The following C10orf90 variants were observed in gnomAD, a reference collection of about 807,000 sequenced individuals.
C10orf90 encodes the protein (E2-independent) E3 ubiquitin-conjugating enzyme FATS.
C10orf90 carries 56 observed loss-of-function variants against 62.5 expected under a neutral mutation model. That is an observed-to-expected ratio of 0.90 (90% CI 0.72 to 1.12). The LOEUF (loss-of-function observed/expected upper bound fraction) is 1.12. Among genes scored for constraint, C10orf90 ranks in the 50% most tolerant of loss-of-function variants. The pLI, the probability that C10orf90 is intolerant of heterozygous loss-of-function variation, is 0.00. For synonymous variants in C10orf90, 386 were observed against 340.4 expected (o/e 1.13, Z -1.47); for missense variants, 970 against 880.4 (o/e 1.10, Z -1.29).
At chr10:126,479,964 CT>C (rs987527306) in intron 4 of C10orf90, among the ~76,000 whole-genome samples, 2 of 152,162 alleles carry the variant, frequency 1.3e-5, no homozygotes, top group African/African-American at 4.8e-5. Flanking sequence ...AAGTAATGCT[CT>C]TTTTATCCCT....
intron 2 of C10orf90, among the ~76,000 whole-genome samples, chr10:126,584,220 G>A (rs1051499513): frequency 2.0e-5 from 3 of 152,058 alleles, no homozygotes; most frequent in Non-Finnish European, 4.4e-5. Flanking sequence ...CTGTCCATCT[G>A]TCTACTTGTT....
At chr10:126,577,395 G>C (rs1844648844) in intron 2 of C10orf90, among the ~76,000 whole-genome samples, 2 of 151,122 alleles carry the variant, frequency 1.3e-5, no homozygotes, top group African/African-American at 2.4e-5. Context: ...TTGCTAGCAA[G>C]AAATGAATAG....
At chr10:126,503,102 A>G (rs905240555) in intron 4 of C10orf90, among the ~76,000 whole-genome samples, 1 of 152,194 alleles carries the variant, frequency 6.6e-6, no homozygotes, top group Non-Finnish European at 1.5e-5. Flanking sequence ...TTTTTTCCAA[A>G]TAGAAAGTAA....
chr10:126,453,173 T>A lies in C10orf90; in HGVS notation c.2188+5867A>T, dbSNP rs2134075852. Among the ~76,000 whole-genome samples the A allele has an allele frequency of 6.6e-6, 1 of 152,342 alleles. No individual in the cohort carries two copies. The highest frequency in any genetic ancestry group is 1.9e-4 in the East Asian group (1 of 5,178). On this transcript the variant is annotated intron_variant, in intron 7 of 9. Transcript: ENST00000488181. The surrounding 1 kb of genome is among the most constrained non-coding windows in gnomAD (Gnocchi z 4.9). ...AGAATTCCATTCCTCTACTCGTGCA[T>A]GATTTGAATGGCTCTGACTTGGCTC... is the stretch of plus-strand genomic sequence containing the variant.
intron 2 of C10orf90, among the ~76,000 whole-genome samples, chr10:126,559,967 G>A (rs1367175229): frequency 7.2e-5 from 11 of 152,106 alleles, no homozygotes; most frequent in Admixed American, 2.0e-4. Context: ...ATTAGACACC[G>A]CGGAGAACTG....
chr10:126,565,465 TG>T (rs1213798368), intron 2 of C10orf90, among the ~76,000 whole-genome samples: 1 of 114,706 alleles, frequency 8.7e-6, no homozygotes, highest in African/African-American at 3.3e-5. Context: ...CACACAAACT[TG>T]TGCATCAGTC....
Position 126,666,443 on chromosome 10 carries a change from G to A in C10orf90, c.240+3798C>T, listed in dbSNP as rs1238836611. Among the ~76,000 whole-genome samples the A allele has an allele frequency of 2.0e-5, 3 of 152,094 alleles. No individual in the cohort carries two copies. In the East Asian group the frequency reaches 5.8e-4, roughly 29 times the overall value. On this transcript the variant is annotated intron_variant, in intron 1 of 9. Coordinates refer to ENST00000488181, the MANE Select transcript of C10orf90 (RefSeq NM_001350921.2). ...AAGAAGCATGACCCATAATCAGGAG[G>A]AAAATCAATCACTAGAAATGATGCA...
chr10:126,641,406 T>C (rs1846055439), intron 2 of C10orf90, among the ~76,000 whole-genome samples: 1 of 152,182 alleles, frequency 6.6e-6, no homozygotes, highest in East Asian at 1.9e-4. Flanking sequence ...CAATCAAAGT[T>C]TAAAAACTGA....
At position 126,469,741 on chromosome 10, in the gene C10orf90, C is replaced by T. The variant is rs932736353; in HGVS notation, c.1535-4755G>A. Reference sequence around the variant, plus strand: ...GCATTTTATATGTAGTGTCTCACCTCTTCCTCTCACCTGGGTTCTCTTCCA... The same window carrying T: ...GCATTTTATATGTAGTGTCTCACCTTTTCCTCTCACCTGGGTTCTCTTCCA... On this transcript the variant is annotated intron_variant, in intron 4 of 9. Coordinates refer to ENST00000488181, the MANE Select transcript of C10orf90 (RefSeq NM_001350921.2). The T allele has an allele frequency of 3.9e-5, 15 of 388,180 alleles. No homozygotes were observed. The Admixed American group carries it at 4.3e-4, about 11-fold the overall frequency. 24.0% of individuals were successfully genotyped at this position (388,180 alleles called of 1,614,324 possible).
chr10:126,668,632 C>G (rs755242014), intron 1 of C10orf90, among the ~76,000 whole-genome samples: 3 of 152,180 alleles, frequency 2.0e-5, no homozygotes, highest in Admixed American at 6.5e-5. Flanking sequence ...CAAATCCCAT[C>G]TGATGGTTTT....
intron 2 of C10orf90, among the ~76,000 whole-genome samples, chr10:126,564,216 T>C (rs1471978724): frequency 1.3e-5 from 2 of 151,854 alleles, no homozygotes; most frequent in Non-Finnish European, 2.9e-5. Context: ...AGCAGCAACT[T>C]TCCTCTCCAC....
chr10:126,608,335 C>T (rs886332795), intron 2 of C10orf90, among the ~76,000 whole-genome samples: 2 of 152,152 alleles, frequency 1.3e-5, no homozygotes, highest in African/African-American at 2.4e-5. Flanking sequence ...TGGTCTCAAA[C>T]TCCTGGACTC....
chr10:126,575,521 A>G (rs992642819), intron 2 of C10orf90, among the ~76,000 whole-genome samples: 1 of 152,058 alleles, frequency 6.6e-6, no homozygotes, highest in Non-Finnish European at 1.5e-5. Flanking sequence ...CACAGATTCA[A>G]TAAAATTCCT....
chr10:126,607,562 G>T (rs1043714221), intron 2 of C10orf90, among the ~76,000 whole-genome samples: 6 of 152,172 alleles, frequency 3.9e-5, no homozygotes, highest in Non-Finnish European at 5.9e-5. Context: ...ACTTCTGCGT[G>T]CCTCCTTTAT....
chr10:126,623,399 A>G (rs1845683412), intron 2 of C10orf90, among the ~76,000 whole-genome samples: 1 of 152,144 alleles, frequency 6.6e-6, no homozygotes, highest in South Asian at 2.1e-4. Flanking sequence ...TCTCAACATT[A>G]CTTTATCTGA....
chr10:126,445,251 A>G (rs909658763), intron 7 of C10orf90, among the ~76,000 whole-genome samples: 1 of 152,200 alleles, frequency 6.6e-6, no homozygotes, highest in African/African-American at 2.4e-5. Context: ...GTGGGAGAAA[A>G]TCTTCACAAT....
At chr10:126,585,123 A>G (rs964192800) in intron 2 of C10orf90, among the ~76,000 whole-genome samples, 5 of 151,948 alleles carry the variant, frequency 3.3e-5, no homozygotes, top group Non-Finnish European at 1.5e-5. Context: ...CCAACTGCGC[A>G]TAGCAAAGAT....
chr10:126,491,620 G>A (rs4381292), intron 4 of C10orf90, among the ~76,000 whole-genome samples: 21,327 of 152,184 alleles, frequency 0.14, 1,527 homozygotes, highest in East Asian at 0.22. Flanking sequence ...GCATCTGAAA[G>A]ATTCCTCATC....
intron 7 of C10orf90, among the ~76,000 whole-genome samples, chr10:126,444,115 A>C (rs750266300): frequency 3.9e-5 from 6 of 152,114 alleles, no homozygotes; most frequent in Admixed American, 3.9e-4. Flanking sequence ...AATGGAAAAG[A>C]GAAGGATGCC....
Sources: gnomAD v4.1 joint callset for allele counts (sites outside exome capture counted in the v4.1 genomes callset) on GRCh38, gnomAD v4.1.1 for gene constraint, Gnocchi (gnomAD v3.1) non-coding constraint, MANE v1.5 for transcripts, NCBI Gene and HGNC (gene_info 2026-07-23, HGNC 2026-07-21) for gene names.